The following MINDY4 variants were observed in gnomAD, a reference collection of about 807,000 sequenced individuals.
MINDY4 encodes the protein MINDY lysine 48 deubiquitinase 4, also known as probable ubiquitin carboxyl-terminal hydrolase MINDY-4.
In MINDY4, 68 loss-of-function variants were observed where a neutral mutation model predicts 87.0. The ratio of observed to expected loss-of-function variants is 0.78; its 90% CI spans 0.64 to 0.96. The LOEUF is 0.96. MINDY4 is among the 40% of genes least tolerant of loss of function. The pLI is 0.00. For missense variants in MINDY4, 919 were observed against 928.2 expected, an observed-to-expected ratio of 0.99 and a Z score of 0.13; for synonymous variants, 379 against 363.2, an observed-to-expected ratio of 1.04 and a Z score of -0.50.
chr7:30,889,091 C>T (rs1790717937), intron 17 of MINDY4, among the ~76,000 whole-genome samples: 2 of 152,212 alleles, frequency 1.3e-5, no homozygotes, highest in East Asian at 1.9e-4. Context: ...GCATGTTGCT[C>T]TCCTTCCTGC....
intron 16 of MINDY4, 27 bp downstream of exon 16, chr7:30,882,388 C>G (rs1248455067): frequency 6.8e-7 from 1 of 1,473,498 alleles, no homozygotes; most frequent in South Asian, 1.4e-5. Context: ...CCCCACCCAC[C>G]CAACCCTGTC....
chr7:30,775,679 C>T (rs752802860), intron 1 of MINDY4, among the ~76,000 whole-genome samples: 10 of 152,208 alleles, frequency 6.6e-5, no homozygotes, highest in Non-Finnish European at 1.0e-4. Flanking sequence ...TGACCAGCCC[C>T]CATCCTGAAG....
intron 17 of MINDY4, among the ~76,000 whole-genome samples, chr7:30,883,892 C>T (rs921758371): frequency 8.5e-5 from 13 of 152,078 alleles, no homozygotes; most frequent in African/African-American, 2.9e-4. Flanking sequence ...GCCACTGGAC[C>T]TCACCTTCCT....
chr7:30,848,593 A>C (rs1168651182), intron 9 of MINDY4, among the ~76,000 whole-genome samples: 2 of 152,168 alleles, frequency 1.3e-5, no homozygotes, highest in African/African-American at 4.8e-5. Context: ...GGCTCTCCTG[A>C]AACCTAGAGC....
chr7:30,882,982 C>T lies in MINDY4; in HGVS notation c.2214C>T (p.Cys738=). 1.2e-6 allele frequency: 2 copies of T among 1,614,048 alleles called. No individual in the cohort carries two copies. The highest frequency in any genetic ancestry group is 1.1e-5 in the South Asian group (1 of 91,066). The change falls in exon 17 of 18, where the codon TGC becomes TGT. Residue 738 remains cysteine (C), a synonymous_variant. Coordinates refer to ENST00000265299, the MANE Select transcript of MINDY4 (RefSeq NM_032222.3). ...DNDLVPPLEL[C]IRTKWKGASV... Reference sequence around the variant, plus strand: ...ACCTTGTCCCACCCCTCGAGCTCTGCATCAGAACCAAGTGAGTCAAGCCCC... The same window carrying T: ...ACCTTGTCCCACCCCTCGAGCTCTGTATCAGAACCAAGTGAGTCAAGCCCC...
intron 5 of MINDY4, among the ~76,000 whole-genome samples, chr7:30,812,460 A>G (rs1315503591): frequency 6.6e-6 from 1 of 152,224 alleles, no homozygotes; most frequent in Non-Finnish European, 1.5e-5. Context: ...GGAAAAATGA[A>G]TAGCTAATAG....
At chr7:30,806,460 T>C (rs1355773901) in intron 5 of MINDY4, among the ~76,000 whole-genome samples, 1 of 150,240 alleles carries the variant, frequency 6.7e-6, no homozygotes, top group Non-Finnish European at 1.5e-5. Flanking sequence ...CCACTCTAGC[T>C]ATTTGGTTAG....
intron 5 of MINDY4, among the ~76,000 whole-genome samples, chr7:30,817,635 G>T (rs2128559866): frequency 6.6e-6 from 1 of 152,170 alleles, no homozygotes; most frequent in South Asian, 2.1e-4. Context: ...GGAGGGGCTG[G>T]GTCTGAAAAG....
chr7:30,824,720 C>T (rs1369647254), intron 5 of MINDY4, among the ~76,000 whole-genome samples: 1 of 152,104 alleles, frequency 6.6e-6, no homozygotes, highest in African/African-American at 2.4e-5. Context: ...ATTACAGGTG[C>T]GTGACACCAC....
intron 13 of MINDY4, among the ~76,000 whole-genome samples, chr7:30,860,719 C>T (rs887329853): frequency 6.6e-6 from 1 of 152,262 alleles, no homozygotes; most frequent in East Asian, 1.9e-4. Context: ...TACATGCATG[C>T]TCCTGCATGT....
intron 1 of MINDY4, among the ~76,000 whole-genome samples, chr7:30,775,806 A>AAT (rs1422805211): frequency 3.9e-5 from 6 of 152,172 alleles, no homozygotes; most frequent in African/African-American, 1.4e-4. Context: ...ACACAGAACA[A>AAT]ATATATATTT....
chr7:30,794,201 A>T (rs991813747), intron 5 of MINDY4, among the ~76,000 whole-genome samples: 3 of 151,704 alleles, frequency 2.0e-5, no homozygotes, highest in African/African-American at 7.3e-5. Flanking sequence ...GCCCTTCCCA[A>T]CTCCCCTCCA....
At chr7:30,840,310 A>G (rs532881431) in intron 8 of MINDY4, among the ~76,000 whole-genome samples, 2 of 152,372 alleles carry the variant, frequency 1.3e-5, no homozygotes, top group East Asian at 3.9e-4. Flanking sequence ...CGCAGAGCTC[A>G]TGTAACCACA....
Position 30,828,596 on chromosome 7 carries a change from A to C in MINDY4, c.1074-83A>C, listed in dbSNP as rs1788592109. 4 of 1,392,684 alleles carry C rather than the reference A, an allele frequency of 2.9e-6. No homozygotes were observed. The Admixed American group carries it at 6.7e-5, about 23-fold the overall frequency. The allele number at this position is 1,392,684 out of a possible 1,614,324, so 86.3% of individuals were successfully genotyped here. ...AGAGAGACTTGTCTCCTGAATGCCTATCCATCGCTCTTAACAGTCTTCTCT... is the reference window on the plus strand; with the variant it reads ...AGAGAGACTTGTCTCCTGAATGCCTCTCCATCGCTCTTAACAGTCTTCTCT... On this transcript the variant is annotated intron_variant, in intron 5 of 17. Transcript: ENST00000265299.
intron 6 of MINDY4, among the ~76,000 whole-genome samples, chr7:30,829,069 C>T (rs1788614271): frequency 6.6e-6 from 1 of 152,096 alleles, no homozygotes; most frequent in Non-Finnish European, 1.5e-5. Context: ...AAACAGTTCT[C>T]ATTCAAAGTA....
At chr7:30,828,320 G>T (rs550539534) in intron 5 of MINDY4, among the ~76,000 whole-genome samples, 3 of 87,522 alleles carry the variant, frequency 3.4e-5, no homozygotes, top group African/African-American at 1.9e-4. Flanking sequence ...AACTCGATTT[G>T]TGTGTGTGTG....
chr7:30,822,060 A>G (rs1268626808), intron 5 of MINDY4, among the ~76,000 whole-genome samples: 1 of 152,218 alleles, frequency 6.6e-6, no homozygotes, highest in East Asian at 1.9e-4. Flanking sequence ...TTCATTCTAA[A>G]GTAAAATACA....
intron 13 of MINDY4, among the ~76,000 whole-genome samples, chr7:30,867,453 A>C (rs190173123): frequency 1.3e-5 from 2 of 152,276 alleles, no homozygotes; most frequent in African/African-American, 4.8e-5. Context: ...AGTTCATCTC[A>C]TTCAGTTCTC....
rs763950875 is a variant in MINDY4, at chr7:30,791,310, C to T, written c.809C>T (p.Thr270Ile). 1.9e-6 allele frequency: 3 copies of T among 1,614,192 alleles called. No individual in the cohort carries two copies. Among genetic ancestry groups the T allele is most frequent in the Non-Finnish European group, 2.5e-6 (3 of 1,180,040 alleles). The change falls in exon 5 of 18, where the codon ACC becomes ATC. Residue 270 changes from threonine (T) to isoleucine (I), a missense_variant. Thr to Ile is a moderately conservative substitution (Grantham distance 89, BLOSUM62 -1). Transcript: ENST00000265299. ...TCGAGCAACAGCTCCCCCTCCAGGA[C>T]CTCCCTGGGTCAGCTTAGTGAACTG... is the stretch of plus-strand genomic sequence containing the variant. The part of the protein sequence containing the change: ...LASSNSSPSR[T>I]SLGQLSELTV...
Sources: allele counts gnomAD v4.1 joint callset (sites outside exome capture counted in the v4.1 genomes callset), GRCh38; gene constraint gnomAD v4.1.1; transcripts MANE v1.5; gene names NCBI Gene and HGNC (gene_info 2026-07-23, HGNC 2026-07-21).